Variants in TACR1 observed in about 807,000 individuals in gnomAD.
TACR1 encodes the protein tachykinin receptor 1.
TACR1 carries 25 observed loss-of-function variants against 35.8 expected under a neutral mutation model. The observed-to-expected ratio is 0.70, with a 90% CI of 0.51 to 0.98. TACR1 has a LOEUF of 0.98. Among genes scored for constraint, TACR1 ranks in the 50% least tolerant of loss-of-function variants. The probability of loss-of-function intolerance (pLI) is 0.00; values close to 1 mark genes in which losing one functional copy is unlikely to be tolerated. For synonymous variants in TACR1, 195 were observed against 206.7 expected, an observed-to-expected ratio of 0.94 and a Z score of 0.48; for missense variants, 478 against 522.9, an observed-to-expected ratio of 0.91 and a Z score of 0.84.
chr2:75,155,594 A>C (rs1308021297), intron 1 of TACR1, among the ~76,000 whole-genome samples: 1 of 152,236 alleles, frequency 6.6e-6, no homozygotes, highest in Non-Finnish European at 1.5e-5. Context: ...CACATAGCTC[A>C]GATACAGACA....
Position 75,094,859 on chromosome 2 carries a change from A to ATATATATATATATTTT in TACR1, c.584+25714_584+25715insAAAATATATATATATA. Reference sequence around the variant, plus strand: ...GAAACATATATATATATATATATATATTTTTTTTTTTTTTGCCCAAGATGG... The same window carrying ATATATATATATATTTT: ...GAAACATATATATATATATATATATATATATATATATATTTTTTTTTTTTTTTTTTGCCCAAGATGG... On this transcript the variant is annotated intron_variant, in intron 2 of 4. Coordinates refer to ENST00000305249, the MANE Select transcript of TACR1 (RefSeq NM_001058.4). Among the ~76,000 whole-genome samples, 46 of 113,096 alleles carry ATATATATATATATTTT rather than the reference A, an allele frequency of 4.1e-4. 2 individuals are homozygous for ATATATATATATATTTT. The highest frequency in any genetic ancestry group is 2.0e-3 in the African/African-American group (41 of 20,852). 74.2% of individuals were successfully genotyped at this position (113,096 alleles called of 152,430 possible). A position where few individuals can be genotyped will look rare whatever the true frequency, so the allele number is the denominator to read the frequency against.
At chr2:75,097,235 G>A (rs575712546) in intron 2 of TACR1, among the ~76,000 whole-genome samples, 1 of 152,244 alleles carries the variant, frequency 6.6e-6, no homozygotes, top group Admixed American at 6.5e-5. Flanking sequence ...AGATAGCGAA[G>A]TGTTTTTTTT....
intron 1 of TACR1, among the ~76,000 whole-genome samples, chr2:75,175,931 T>G (rs1388304583): frequency 6.6e-6 from 1 of 151,856 alleles, no homozygotes; most frequent in Non-Finnish European, 1.5e-5. Flanking sequence ...AAGATTTTAT[T>G]TTCTTTTATT....
chr2:75,051,565 A>G (rs926469918), intron 3 of TACR1, 118 bp from the exon 4 acceptor site: 1 of 1,505,234 alleles, frequency 6.6e-7, no homozygotes, highest in African/African-American at 1.4e-5. Flanking sequence ...AAGTATTTAA[A>G]AGACGCCCCT....
chr2:75,166,575 C>G (rs1464980135), intron 1 of TACR1, among the ~76,000 whole-genome samples: 1 of 152,168 alleles, frequency 6.6e-6, no homozygotes, highest in African/African-American at 2.4e-5. Flanking sequence ...GGTCTTTGGC[C>G]TTGGGGCTCT....
intron 1 of TACR1, among the ~76,000 whole-genome samples, chr2:75,144,446 C>T (rs570715402): frequency 6.6e-6 from 1 of 152,304 alleles, no homozygotes; most frequent in South Asian, 2.1e-4. Flanking sequence ...TTTGAATAAG[C>T]ATCCCCACAG....
intron 2 of TACR1, among the ~76,000 whole-genome samples, chr2:75,059,507 G>A (rs1672630573): frequency 6.6e-6 from 1 of 152,080 alleles, no homozygotes; most frequent in African/African-American, 2.4e-5. Context: ...GTGCAGCTTT[G>A]GGCACCAGAG....
At chr2:75,172,459 T>G (rs1320579543) in intron 1 of TACR1, among the ~76,000 whole-genome samples, 1 of 152,192 alleles carries the variant, frequency 6.6e-6, no homozygotes, top group Non-Finnish European at 1.5e-5. Context: ...TGGACACTTT[T>G]CTTTTCGGGC....
intron 4 of TACR1, among the ~76,000 whole-genome samples, chr2:75,050,789 G>C (rs1558536080): frequency 6.6e-6 from 1 of 152,238 alleles, no homozygotes; most frequent in African/African-American, 2.4e-5. Flanking sequence ...GAAAAAGACA[G>C]TGAGAGATCA....
intron 4 of TACR1, 177 bp downstream of exon 4, chr2:75,051,074 C>G (rs1018063637): frequency 1.3e-6 from 1 of 746,994 alleles, no homozygotes; most frequent in Non-Finnish European, 2.2e-6. Flanking sequence ...CTCCGGGCTC[C>G]CATTCCTGGA....
intron 1 of TACR1, among the ~76,000 whole-genome samples, chr2:75,157,657 T>TA (rs1674896323): frequency 6.6e-6 from 1 of 152,218 alleles, no homozygotes; most frequent in Admixed American, 6.5e-5. Flanking sequence ...GCCCTGTCCT[T>TA]ACACTAGATG....
chr2:75,110,391 A>C (rs974152641), intron 2 of TACR1, among the ~76,000 whole-genome samples: 43 of 152,116 alleles, frequency 2.8e-4, no homozygotes, highest in African/African-American at 9.9e-4. Flanking sequence ...ATTTATTTTC[A>C]GTATAGATAA....
At chr2:75,054,076 G>T (rs530001964) in intron 2 of TACR1, among the ~76,000 whole-genome samples, 5 of 152,224 alleles carry the variant, frequency 3.3e-5, no homozygotes, top group African/African-American at 1.2e-4. Flanking sequence ...AGCGATTTCA[G>T]TTGATGATCA....
intron 1 of TACR1, among the ~76,000 whole-genome samples, chr2:75,145,177 GAC>G (rs1674481748): frequency 6.6e-6 from 1 of 151,944 alleles, no homozygotes; most frequent in Admixed American, 6.6e-5. Flanking sequence ...ATGACTAAAA[GAC>G]ATTTAATAAA....
chr2:75,068,474 A>G (rs1672811658), intron 2 of TACR1, among the ~76,000 whole-genome samples: 1 of 152,224 alleles, frequency 6.6e-6, no homozygotes, highest in Admixed American at 6.5e-5. Flanking sequence ...AGCTGGATGG[A>G]AAGAGCTGGG....
chr2:75,114,203 T>C (rs1673807536), intron 2 of TACR1, among the ~76,000 whole-genome samples: 1 of 152,232 alleles, frequency 6.6e-6, no homozygotes, highest in African/African-American at 2.4e-5. Context: ...TCTCCCACTA[T>C]TATTGGTAAT....
chr2:75,076,592 G>T (rs1672984694), intron 2 of TACR1, among the ~76,000 whole-genome samples: 1 of 152,192 alleles, frequency 6.6e-6, no homozygotes, highest in Non-Finnish European at 1.5e-5. Context: ...TTGGAGTACA[G>T]CTTCCCTAAA....
intron 2 of TACR1, among the ~76,000 whole-genome samples, chr2:75,066,871 G>C (rs939149689): frequency 6.6e-6 from 1 of 152,150 alleles, no homozygotes; most frequent in Non-Finnish European, 1.5e-5. Context: ...TGTGTGAGAG[G>C]ACAAACATTT....
chr2:75,104,619 A>G (rs1673604632), intron 2 of TACR1, among the ~76,000 whole-genome samples: 1 of 152,102 alleles, frequency 6.6e-6, no homozygotes, highest in Non-Finnish European at 1.5e-5. Context: ...TACTCTCCAA[A>G]ACAGATAACA....
Sources: gnomAD v4.1 joint callset for allele counts (sites outside exome capture counted in the v4.1 genomes callset) on GRCh38, gnomAD v4.1.1 for gene constraint, MANE v1.5 for transcripts, NCBI Gene and HGNC (gene_info 2026-07-23, HGNC 2026-07-21) for gene names.